SKAP1: variants seen among roughly 807,000 people sequenced by gnomAD.
The protein encoded by SKAP1 is src kinase-associated phosphoprotein 1.
SKAP1 carries 44 observed loss-of-function variants against 58.5 expected under a neutral mutation model. The ratio of observed to expected loss-of-function variants is 0.75; its 90% CI spans 0.59 to 0.97. The LOEUF is 0.97. Ranked by LOEUF, SKAP1 falls within the 50% of genes least tolerant of loss-of-function variation. The probability of loss-of-function intolerance (pLI) is 0.00; values close to 1 mark genes in which losing one functional copy is unlikely to be tolerated. For missense variants in SKAP1, 390 were observed against 435.2 expected, an observed-to-expected ratio of 0.90 and a Z score of 0.92; for synonymous variants, 127 against 149.7, an observed-to-expected ratio of 0.85 and a Z score of 1.11.
At chr17:48,390,339 C>A (rs527909131) in intron 2 of SKAP1, among the ~76,000 whole-genome samples, 2 of 152,200 alleles carry the variant, frequency 1.3e-5, no homozygotes, top group Admixed American at 6.5e-5. Context: ...AGCTCCAGAT[C>A]AAATGAGACT....
intron 4 of SKAP1, among the ~76,000 whole-genome samples, chr17:48,228,598 C>T (rs6504114): frequency 0.15 from 23,008 of 152,186 alleles, 2,298 homozygotes; most frequent in African/African-American, 0.27. Flanking sequence ...TTAGACTCCA[C>T]TTATGTATCA....
intron 1 of SKAP1, among the ~76,000 whole-genome samples, chr17:48,406,937 A>G (rs1242378267): frequency 6.6e-6 from 1 of 152,168 alleles, no homozygotes; most frequent in Admixed American, 6.5e-5. Context: ...TCCTGGGCTC[A>G]AGAGATCCTC....
At chr17:48,413,523 A>AAAAAATATATATATAT in intron 1 of SKAP1, among the ~76,000 whole-genome samples, 3 of 105,486 alleles carry the variant, frequency 2.8e-5, no homozygotes, top group Non-Finnish European at 5.7e-5. Flanking sequence ...TCAAAAAAAA[A>AAAAAATATATATATAT]ATATATATAT....
At chr17:48,189,825 C>T (rs984763853) in intron 4 of SKAP1, among the ~76,000 whole-genome samples, 2 of 151,842 alleles carry the variant, frequency 1.3e-5, no homozygotes, top group Non-Finnish European at 1.5e-5. Flanking sequence ...CAGGCATGTG[C>T]CACCACACCT....
intron 4 of SKAP1, among the ~76,000 whole-genome samples, chr17:48,219,433 GT>G (rs2064976556): frequency 6.6e-6 from 1 of 152,122 alleles, no homozygotes; most frequent in Non-Finnish European, 1.5e-5. Context: ...TAATATGACT[GT>G]TTATTGGTTA....
chr17:48,142,449 C>T (rs1276252357), intron 11 of SKAP1, among the ~76,000 whole-genome samples: 4 of 151,920 alleles, frequency 2.6e-5, no homozygotes, highest in South Asian at 4.2e-4. Context: ...GCAACAAGAG[C>T]GAAACTCCAT....
upstream of SKAP1, among the ~76,000 whole-genome samples, chr17:48,432,428 CAAAA>C (rs200081330): frequency 6.7e-6 from 1 of 149,710 alleles, no homozygotes; most frequent in South Asian, 2.1e-4. Context: ...GACTCCATCT[CAAAA>C]AAAAGAAAGA....
chr17:48,304,597 A>G (rs1019347783), intron 4 of SKAP1, among the ~76,000 whole-genome samples: 1 of 152,242 alleles, frequency 6.6e-6, no homozygotes, highest in Admixed American at 6.5e-5. Context: ...ACAGCCATTA[A>G]CATAAAGTGG....
In SKAP1 at chr17:48,273,343, G is replaced by A. The variant is rs145183212; in HGVS notation, c.280+72562C>T. On this transcript the variant is annotated intron_variant, in intron 4 of 12. Transcript: ENST00000336915. ...TTATAATTTTCAACCTCCACTGGAC[G>A]TTTAGTATTCTTCAGAAATCCTTTG... 3.2e-4 allele frequency among the ~76,000 whole-genome samples: 49 copies of A among 151,884 alleles called. No homozygotes were observed. In the East Asian group the frequency reaches 7.7e-3, roughly 24 times the overall value.
chr17:48,217,401 C>G (rs2064953531), intron 4 of SKAP1, among the ~76,000 whole-genome samples: 1 of 152,136 alleles, frequency 6.6e-6, no homozygotes, highest in South Asian at 2.1e-4. Context: ...CAGATAAAAA[C>G]TGCAGGAGAC....
At chr17:48,382,811 A>G (rs1222458852) in intron 2 of SKAP1, among the ~76,000 whole-genome samples, 1 of 152,230 alleles carries the variant, frequency 6.6e-6, no homozygotes, top group East Asian at 1.9e-4. Flanking sequence ...ATGACTGAAC[A>G]ACCAAAAGTA....
rs1169459675 is a variant in SKAP1, at chr17:48,222,639, T to C, written c.281-33139A>G. On this transcript the variant is annotated intron_variant, in intron 4 of 12. Coordinates refer to ENST00000336915, the MANE Select transcript of SKAP1 (RefSeq NM_003726.4). The stretch of plus-strand genomic sequence containing the variant: ...GGATTACAGGCCCCTGCCACCACAC[T>C]TGGCTAATTTTTGTATTATTAGTAG... 2.6e-5 allele frequency among the ~76,000 whole-genome samples: 4 copies of C among 151,774 alleles called. No individual in the cohort carries two copies. The East Asian group carries it at 7.9e-4, about 30-fold the overall frequency.
At chr17:48,328,845 C>T (rs956781054) in intron 4 of SKAP1, among the ~76,000 whole-genome samples, 7 of 152,134 alleles carry the variant, frequency 4.6e-5, no homozygotes, top group Non-Finnish European at 8.8e-5. Flanking sequence ...CTTTCCCTCG[C>T]CCACCAAACT....
chr17:48,189,602 G>T, intron 4 of SKAP1, 102 bp from the exon 5 acceptor site: 1 of 735,770 alleles, frequency 1.4e-6, no homozygotes, highest in Non-Finnish European at 2.3e-6. Context: ...TACAAAAAGG[G>T]CAATTGCTTA....
intron 1 of SKAP1, among the ~76,000 whole-genome samples, chr17:48,411,220 C>T (rs1180078772): frequency 3.3e-5 from 5 of 151,510 alleles, no homozygotes; most frequent in African/African-American, 1.2e-4. Flanking sequence ...GCCAACATGG[C>T]GAAACCCCAT....
At position 48,362,623 on chromosome 17, in the gene SKAP1, G is replaced by A. The variant is rs186786615; in HGVS notation, c.178+1166C>T. 7.5e-4 allele frequency among the ~76,000 whole-genome samples: 114 copies of A among 152,298 alleles called. 3 individuals are homozygous for A. The East Asian group carries it at 0.018, about 24-fold the overall frequency. On this transcript the variant is annotated intron_variant, in intron 3 of 12. Coordinates refer to ENST00000336915, the MANE Select transcript of SKAP1 (RefSeq NM_003726.4). ...ATGTAGTAACAGCACATCACATTAC[G>A]TAAAATAGTGTAAGTGCTCCAACTT...
intron 4 of SKAP1, among the ~76,000 whole-genome samples, chr17:48,263,818 T>C (rs545114540): frequency 3.7e-4 from 56 of 152,212 alleles, no homozygotes; most frequent in Non-Finnish European, 7.2e-4. Context: ...ATGACCTCCA[T>C]TGCTGCCCAG....
chr17:48,421,006 T>C (rs867906042), intron 1 of SKAP1, among the ~76,000 whole-genome samples: 2 of 152,162 alleles, frequency 1.3e-5, no homozygotes, highest in Non-Finnish European at 2.9e-5. Context: ...ACAGACAGCA[T>C]GCATAGCAGC....
intron 2 of SKAP1, among the ~76,000 whole-genome samples, chr17:48,379,870 G>A (rs914040575): frequency 1.3e-5 from 2 of 152,028 alleles, no homozygotes; most frequent in African/African-American, 2.4e-5. Context: ...TTTTAGTAGA[G>A]ATGGAGTTTC....
Sources: allele counts gnomAD v4.1 joint callset (sites outside exome capture counted in the v4.1 genomes callset), GRCh38; gene constraint gnomAD v4.1.1; transcripts MANE v1.5; gene names NCBI Gene and HGNC (gene_info 2026-07-23, HGNC 2026-07-21).